The following HMCN1 variants were observed in gnomAD, a reference collection of about 807,000 sequenced individuals.
HMCN1 encodes the protein hemicentin 1, also known as hemicentin-1.
Under a neutral mutation model 625.9 loss-of-function variants are expected in HMCN1, and 321 were observed. The observed-to-expected ratio is 0.51, with a 90% CI of 0.47 to 0.56. HMCN1 has a LOEUF of 0.56. Ranked by LOEUF, HMCN1 falls within the 20% of genes least tolerant of loss-of-function variation. The pLI is 0.00. For synonymous variants in HMCN1, 2,425 were observed against 2,417.6 expected, an observed-to-expected ratio of 1.00 and a Z score of -0.09; for missense variants, 6,588 against 6,887.3, an observed-to-expected ratio of 0.96 and a Z score of 1.54.
intron 1 of HMCN1, among the ~76,000 whole-genome samples, chr1:185,820,258 C>G (rs1440086172): frequency 1.3e-5 from 2 of 152,076 alleles, no homozygotes; most frequent in Non-Finnish European, 2.9e-5. Context: ...ATAGATTAGC[C>G]TTTTTCATTT....
At chr1:185,786,769 C>T (rs945125974) in intron 1 of HMCN1, among the ~76,000 whole-genome samples, 2 of 152,298 alleles carry the variant, frequency 1.3e-5, no homozygotes, top group Non-Finnish European at 2.9e-5. Flanking sequence ...AAAACTGTTG[C>T]ATTTTCCCCA....
intron 25 of HMCN1, among the ~76,000 whole-genome samples, chr1:185,999,644 A>G (rs1653041723): frequency 6.6e-6 from 1 of 152,064 alleles, no homozygotes. Flanking sequence ...GGCAGTCTTC[A>G]TGTTGTATTT....
intron 36 of HMCN1, among the ~76,000 whole-genome samples, chr1:186,036,736 G>A (rs1308468723): frequency 4.6e-5 from 7 of 151,726 alleles, no homozygotes; most frequent in East Asian, 3.9e-4. Flanking sequence ...GATTACAGGC[G>A]CCCACCACTA....
intron 30 of HMCN1, among the ~76,000 whole-genome samples, chr1:186,011,462 T>G (rs1199596639): frequency 1.3e-5 from 2 of 152,258 alleles, no homozygotes; most frequent in Non-Finnish European, 2.9e-5. Flanking sequence ...TTGTGCATAT[T>G]CATTGCTTGG....
At chr1:185,992,850 T>C (rs763160284) in intron 22 of HMCN1, among the ~76,000 whole-genome samples, 73 of 152,288 alleles carry the variant, frequency 4.8e-4, no homozygotes, top group Middle Eastern at 3.4e-3. Context: ...TACTTTAACA[T>C]TGTAGAAAAT....
At chr1:185,746,198 T>C (rs1654382076) in intron 1 of HMCN1, among the ~76,000 whole-genome samples, 1 of 152,186 alleles carries the variant, frequency 6.6e-6, no homozygotes, top group Non-Finnish European at 1.5e-5. Flanking sequence ...GTACAGGATG[T>C]TTCTTTCATG....
intron 3 of HMCN1, 62 bp downstream of exon 3, chr1:185,864,690 C>T (rs780498621): frequency 2.5e-5 from 36 of 1,426,520 alleles, no homozygotes; most frequent in Admixed American, 5.3e-5. Context: ...ATTGCCTGTC[C>T]TCTTTGACTC....
At chr1:185,747,006 A>G (rs1036543476) in intron 1 of HMCN1, among the ~76,000 whole-genome samples, 1 of 152,180 alleles carries the variant, frequency 6.6e-6, no homozygotes, top group Non-Finnish European at 1.5e-5. Flanking sequence ...GACTATTTAC[A>G]AAGAAGGTCA....
At chr1:186,076,755 T>TG in intron 54 of HMCN1, 133 bp downstream of exon 54, 1 of 817,266 alleles carries the variant, frequency 1.2e-6, no homozygotes, top group South Asian at 1.4e-5. Flanking sequence ...TGAATGCCAC[T>TG]GGCATCCACG....
Position 186,189,912 on chromosome 1 carries a change from C to A in HMCN1, c.*34C>A. The A allele has an allele frequency of 6.2e-7, 1 of 1,609,544 alleles. No individual in the cohort carries two copies. The highest frequency in any genetic ancestry group is 8.5e-7 in the Non-Finnish European group (1 of 1,178,202). ...CCAAAGCCTATTCCACATATTTAAA[C>A]CGCATTAATCATGGCAATCAAGCCC... On this transcript the variant is annotated 3_prime_UTR_variant, in exon 107 of 107. Transcript: ENST00000271588.
intron 36 of HMCN1, among the ~76,000 whole-genome samples, chr1:186,030,307 G>A (rs1655337631): frequency 6.6e-6 from 1 of 151,986 alleles, no homozygotes. Context: ...AACTTTTATA[G>A]TTTTATTGTC....
Position 185,965,785 on chromosome 1 carries a change from G to GT in HMCN1, c.2099-12dup, listed in dbSNP as rs1558101290. ...CTTGTGCTAAATGTTGACTATTTGC[G>GT]TTTTTGTTTTTTTCAGAAGCCCCTA... On this transcript the variant is annotated splice_polypyrimidine_tract_variant and intron_variant, in intron 13 of 106. Transcript: ENST00000271588. 2 of 1,417,882 alleles carry GT rather than the reference G, an allele frequency of 1.4e-6. No individual in the cohort carries two copies. Among genetic ancestry groups the GT allele is most frequent in the South Asian group, 2.3e-5 (2 of 87,148 alleles). 87.8% of individuals were successfully genotyped at this position (1,417,882 alleles called of 1,614,324 possible). A position where few individuals can be genotyped will look rare whatever the true frequency, so the allele number is the denominator to read the frequency against.
chr1:186,059,449 C>G (rs1657546708), intron 46 of HMCN1, among the ~76,000 whole-genome samples: 1 of 152,000 alleles, frequency 6.6e-6, no homozygotes, highest in South Asian at 2.1e-4. Flanking sequence ...TACAAATTTA[C>G]AGAAGTGGTG....
chr1:185,846,123 T>TG (rs746445269), intron 2 of HMCN1, 27 bp downstream of exon 2: 1 of 1,487,524 alleles, frequency 6.7e-7, no homozygotes, highest in South Asian at 1.1e-5. Context: ...AGTGTTCTCT[T>TG]GGGGGAATGG....
chr1:186,171,337 A>G lies in HMCN1; in HGVS notation c.15575A>G (p.Asp5192Gly). 7 of 1,608,660 alleles carry G rather than the reference A, an allele frequency of 4.4e-6. No homozygotes were observed. The highest frequency in any genetic ancestry group is 6.0e-6 in the Non-Finnish European group (7 of 1,175,202). The change falls in exon 101 of 107, where the codon GAT (aspartate) becomes GGT (glycine). Residue 5192 changes from aspartate (D) to glycine (G), a missense_variant and splice_region_variant. Asp to Gly is a moderately conservative substitution (Grantham distance 94, BLOSUM62 -1). Transcript: ENST00000271588. ...RRTSDGLSCQ[D>G]INECQESSPC... The stretch of plus-strand genomic sequence containing the variant: ...ATGAAAGTTTTGTTTTATTTAACAG[A>G]TATTAATGAATGTCAAGAATCCAGC...
At chr1:185,906,407 G>A (rs370595977) in intron 4 of HMCN1, among the ~76,000 whole-genome samples, 3 of 151,942 alleles carry the variant, frequency 2.0e-5, no homozygotes, top group East Asian at 1.9e-4. Flanking sequence ...TGAATTGGAA[G>A]CAGTATTAAG....
chr1:185,806,895 T>C (rs1659206228), intron 1 of HMCN1, among the ~76,000 whole-genome samples: 1 of 152,168 alleles, frequency 6.6e-6, no homozygotes, highest in Non-Finnish European at 1.5e-5. Context: ...ATGAAAGGCT[T>C]TCCATCCTCA....
intron 1 of HMCN1, among the ~76,000 whole-genome samples, chr1:185,770,579 T>G (rs917099859): frequency 3.9e-5 from 6 of 152,202 alleles, no homozygotes; most frequent in Admixed American, 6.5e-5. Flanking sequence ...CAGGAGTTTC[T>G]GAGAAACCTG....
intron 50 of HMCN1, among the ~76,000 whole-genome samples, chr1:186,069,087 T>C (rs772165918): frequency 2.6e-4 from 40 of 152,100 alleles, no homozygotes; most frequent in Admixed American, 1.1e-3. Flanking sequence ...CCCTGCGCAA[T>C]AGAATTCTCA....
Sources: gnomAD v4.1 joint callset for allele counts (sites outside exome capture counted in the v4.1 genomes callset) on GRCh38, gnomAD v4.1.1 for gene constraint, MANE v1.5 for transcripts, NCBI Gene and HGNC (gene_info 2026-07-23, HGNC 2026-07-21) for gene names.